Variants in PLCE1 observed in about 807,000 individuals in gnomAD.
PLCE1 encodes 1-phosphatidylinositol 4,5-bisphosphate phosphodiesterase epsilon-1.
PLCE1 carries 119 observed loss-of-function variants against 242.8 expected under a neutral mutation model. The ratio of observed to expected loss-of-function variants is 0.49; its 90% confidence interval spans 0.42 to 0.57. PLCE1 has a LOEUF of 0.57. PLCE1 is among the 20% of genes least tolerant of loss of function. The pLI, the probability that PLCE1 is intolerant of heterozygous loss-of-function variation, is 0.00. For synonymous variants in PLCE1, 945 were observed against 1,017.4 expected (o/e 0.93, Z 1.35); for missense variants, 2,441 against 2,788.8 (o/e 0.88, Z 2.81).
chr10:94,245,412 T>C (rs1187758926), intron 7 of PLCE1, among the ~76,000 whole-genome samples: 1 of 152,220 alleles, frequency 6.6e-6, no homozygotes, highest in Non-Finnish European at 1.5e-5. Context: ...ACTCATCTAG[T>C]AGTTGTTTTC....
chr10:94,083,394 G>A (rs532856312), intron 2 of PLCE1, among the ~76,000 whole-genome samples: 4 of 152,028 alleles, frequency 2.6e-5, no homozygotes, highest in African/African-American at 9.7e-5. Flanking sequence ...ATTTTTTTGG[G>A]GCCCACAACA....
intron 4 of PLCE1, among the ~76,000 whole-genome samples, chr10:94,205,218 C>T (rs1220087972): frequency 4.6e-5 from 7 of 152,084 alleles, no homozygotes; most frequent in Admixed American, 4.6e-4. Context: ...CTTTCCATTC[C>T]CCAGGGGACT....
intron 2 of PLCE1, among the ~76,000 whole-genome samples, chr10:94,082,857 A>G (rs2135256710): frequency 6.6e-6 from 1 of 152,376 alleles, no homozygotes; most frequent in East Asian, 1.9e-4. Context: ...TTATCCACTG[A>G]AAACTACAGG....
At chr10:94,193,539 A>G (rs1172446157) in intron 4 of PLCE1, among the ~76,000 whole-genome samples, 2 of 152,168 alleles carry the variant, frequency 1.3e-5, no homozygotes, top group Non-Finnish European at 2.9e-5. Context: ...CTCTTGTCAT[A>G]TCTCTCAGCA....
intron 4 of PLCE1, among the ~76,000 whole-genome samples, chr10:94,193,171 T>C (rs554151461): frequency 6.6e-6 from 1 of 152,300 alleles, no homozygotes; most frequent in South Asian, 2.1e-4. Flanking sequence ...TTTTTTGAAC[T>C]GGAAGGTTCT....
chr10:94,255,914 A>ACACACACACTCT (rs1284531207), intron 11 of PLCE1, among the ~76,000 whole-genome samples: 5 of 67,328 alleles, frequency 7.4e-5, no homozygotes, highest in East Asian at 1.3e-3. Flanking sequence ...ACACACACAC[A>ACACACACACTCT]CTCTCTCTCT....
chr10:94,012,107 G>C (rs1414489215), intron 1 of PLCE1, among the ~76,000 whole-genome samples: 1 of 152,064 alleles, frequency 6.6e-6, no homozygotes, highest in Non-Finnish European at 1.5e-5. Context: ...AGACTGCCTG[G>C]TGCACAACTT....
At chr10:94,158,594 T>G (rs2047504199) in intron 3 of PLCE1, among the ~76,000 whole-genome samples, 1 of 152,132 alleles carries the variant, frequency 6.6e-6, no homozygotes, top group South Asian at 2.1e-4. Flanking sequence ...TTTACAAGAT[T>G]GTTTATCACG....
At chr10:94,301,868 T>G (rs917218835) in intron 24 of PLCE1, among the ~76,000 whole-genome samples, 2 of 152,006 alleles carry the variant, frequency 1.3e-5, no homozygotes, top group African/African-American at 2.4e-5. Context: ...AAAAACTTCT[T>G]TTTTTAAAGA....
rs1279329665 is a variant in PLCE1, at chr10:94,163,556, A to C, written c.1493-7624A>C. On this transcript the variant is annotated intron_variant, in intron 3 of 32. Transcript: ENST00000371380. The stretch of plus-strand genomic sequence containing the variant: ...ATTTTGAGCCTATGTGTGTCTCTGC[A>C]CATGAGATGGGTTTCCTGAATACAG... Among the ~76,000 whole-genome samples the C allele has an allele frequency of 5.9e-5, 9 of 152,218 alleles. 1 individual carries two copies. The South Asian group carries it at 1.2e-3, about 21-fold the overall frequency.
chr10:94,004,429 C>T (rs1183228714), intron 1 of PLCE1, among the ~76,000 whole-genome samples: 2 of 152,070 alleles, frequency 1.3e-5, no homozygotes, highest in Non-Finnish European at 2.9e-5. Context: ...GTTCCTAAGG[C>T]ATATAGAAAT....
intron 29 of PLCE1, among the ~76,000 whole-genome samples, chr10:94,318,258 T>C (rs576802110): frequency 1.3e-5 from 2 of 152,320 alleles, no homozygotes; most frequent in Admixed American, 6.5e-5. Context: ...CACTTTATGA[T>C]AAAATATCAG....
chr10:94,031,998 A>C lies in PLCE1; in HGVS notation c.952A>C (p.Lys318Gln). Reference sequence around the variant, plus strand: ...TGTAGAAGAAGACGCTTTTAAAAGCAAAAAGGAGCGATCCACTTTGTTAGT... The same window carrying C: ...TGTAGAAGAAGACGCTTTTAAAAGCCAAAAGGAGCGATCCACTTTGTTAGT... ...DDVEEDAFKS[K>Q]KERSTLLVRR... The change falls in exon 2 of 33, where the codon AAA (lysine) becomes CAA (glutamine). Residue 318 changes from lysine (K) to glutamine (Q), a missense_variant. Physicochemically the swap from Lys to Gln is moderately conservative, Grantham distance 53 (BLOSUM62 1). Transcript: ENST00000371380. 1 of 1,613,904 alleles carries C rather than the reference A, an allele frequency of 6.2e-7. No individual in the cohort carries two copies. The highest frequency in any genetic ancestry group is 8.5e-7 in the Non-Finnish European group (1 of 1,179,844).
chr10:94,166,037 A>G (rs1200097651), intron 3 of PLCE1, among the ~76,000 whole-genome samples: 1 of 152,156 alleles, frequency 6.6e-6, no homozygotes, highest in Non-Finnish European at 1.5e-5. Flanking sequence ...GTACTGTTAT[A>G]TGTGCATTAC....
intron 9 of PLCE1, among the ~76,000 whole-genome samples, 171 bp downstream of exon 9, chr10:94,252,669 C>T (rs2050921111): frequency 6.6e-6 from 1 of 152,106 alleles, no homozygotes; most frequent in African/African-American, 2.4e-5. Context: ...GTGCCAGGAA[C>T]ACCAGGGAAA....
chr10:94,252,707 A>T (rs1253889740), intron 9 of PLCE1, among the ~76,000 whole-genome samples: 1 of 152,168 alleles, frequency 6.6e-6, no homozygotes, highest in South Asian at 2.1e-4. Flanking sequence ...GGACATAGAC[A>T]TGTAAACAAA....
chr10:94,248,636 CAG>C (rs2050772265), intron 8 of PLCE1, among the ~76,000 whole-genome samples: 1 of 150,382 alleles, frequency 6.6e-6, no homozygotes, highest in East Asian at 2.0e-4. Context: ...GTGTACTCCA[CAG>C]GGCACAGGGA....
chr10:94,279,723 G>T (rs1322439886), intron 19 of PLCE1, 59 bp from the exon 20 acceptor site: 1 of 1,580,482 alleles, frequency 6.3e-7, no homozygotes, highest in East Asian at 2.2e-5. Flanking sequence ...TAGTTTTAAA[G>T]GTTATAAATG....
intron 4 of PLCE1, among the ~76,000 whole-genome samples, chr10:94,201,899 G>T (rs886806518): frequency 6.6e-6 from 1 of 151,926 alleles, no homozygotes; most frequent in Admixed American, 6.5e-5. Flanking sequence ...ACCATATTTT[G>T]GGGGCATTTC....
Sources: allele counts gnomAD v4.1 joint callset (sites outside exome capture counted in the v4.1 genomes callset), GRCh38; gene constraint gnomAD v4.1.1; transcripts MANE v1.5; gene names NCBI Gene and HGNC (gene_info 2026-07-23, HGNC 2026-07-21).